Variants in APBB1 observed in about 807,000 individuals in gnomAD.
APBB1 encodes adaptor protein FE65a2.
Under a neutral mutation model 78.4 loss-of-function variants are expected in APBB1, and 22 were observed. That is an observed-to-expected ratio of 0.28 (90% CI 0.20 to 0.40). APBB1 has a LOEUF of 0.40. APBB1 is among the 10% of genes least tolerant of loss of function. APBB1 has a pLI of 1.00. For missense variants in APBB1, 749 were observed against 932.4 expected (o/e 0.80, Z 2.56); for synonymous variants, 369 against 372.7 (o/e 0.99, Z 0.12).
intron 1 of APBB1, among the ~76,000 whole-genome samples, chr11:6,417,758 A>T (rs1278943005): frequency 1.3e-5 from 2 of 152,278 alleles, no homozygotes; most frequent in Non-Finnish European, 2.9e-5. Flanking sequence ...GTGAAATGAG[A>T]TGCAGAGAGT....
In APBB1 at chr11:6,401,561, G is replaced by A. The variant is rs1419908678; in HGVS notation, c.1503+13C>T. 3.7e-6 allele frequency: 6 copies of A among 1,614,086 alleles called. No homozygotes were observed. Among genetic ancestry groups the A allele is most frequent in the South Asian group, 2.2e-5 (2 of 91,070 alleles). On this transcript the variant is annotated intron_variant, in intron 10 of 14. Transcript: ENST00000609360. The surrounding 1 kb of genome is among the most constrained non-coding windows in gnomAD (Gnocchi z 4.5). Reference sequence around the variant, plus strand: ...AAGGTGGCAACTAGTCCAGGGAGTGGAGGGGGCCGTGCCTTAGAGCAGATC... The same window carrying A: ...AAGGTGGCAACTAGTCCAGGGAGTGAAGGGGGCCGTGCCTTAGAGCAGATC...
chr11:6,403,142 A>G lies in APBB1; in HGVS notation c.1104+3T>C. The G allele has an allele frequency of 6.2e-7, 1 of 1,610,140 alleles. No homozygotes were observed. Among genetic ancestry groups the G allele is most frequent in the African/African-American group, 1.3e-5 (1 of 74,908 alleles). ...TCAGAATGGGTGTCAGTCTTGAACAAACCTTGATCCCTGGGTTGGTATTCC... is the reference window on the plus strand; with the variant it reads ...TCAGAATGGGTGTCAGTCTTGAACAGACCTTGATCCCTGGGTTGGTATTCC... On this transcript the variant is annotated splice_donor_region_variant and intron_variant, in intron 6 of 14. Coordinates refer to ENST00000609360, the MANE Select transcript of APBB1 (RefSeq NM_001164.5). The surrounding 1 kb of genome is among the most constrained non-coding windows in gnomAD (Gnocchi z 5.3).
intron 12 of APBB1, among the ~76,000 whole-genome samples, chr11:6,400,082 GT>G (rs570415967): frequency 3.9e-5 from 6 of 152,046 alleles, no homozygotes; most frequent in Non-Finnish European, 2.9e-5. Context: ...TTAATTCCTG[GT>G]TTTTTTCTAC....
chr11:6,402,228 G>A lies in APBB1; in HGVS notation c.1255-19C>T, dbSNP rs566748642. 1 of 1,611,928 alleles carries A rather than the reference G, an allele frequency of 6.2e-7. No individual in the cohort carries two copies. The highest frequency in any genetic ancestry group is 1.1e-5 in the South Asian group (1 of 91,020). ...CCTTTCCCTGCAGGACCAGAAGCAG[G>A]CACTCAGTGGGACTCCAGCCAGGAT... On this transcript the variant is annotated intron_variant, in intron 7 of 14. Transcript: ENST00000609360.
At chr11:6,419,209 G>C (rs1397089910), upstream of APBB1, 10 of 309,236 alleles carry the variant, frequency 3.2e-5, no homozygotes, top group Admixed American at 5.1e-5. Context: ...AGCTTCTTGG[G>C]GGCCTCACCC....
intron 2 of APBB1, chr11:6,405,093 C>G (rs1848743769): frequency 7.3e-7 from 1 of 1,363,850 alleles, no homozygotes; most frequent in South Asian, 1.7e-5. Context: ...TGGCTCCCCT[C>G]CCCCAATCCT....
In APBB1 at chr11:6,402,686, C is replaced by T. The variant is rs781050131; in HGVS notation, c.1144G>A (p.Glu382Lys). 7 of 1,614,172 alleles carry T rather than the reference C, an allele frequency of 4.3e-6. No individual in the cohort carries two copies. The South Asian group carries it at 7.7e-5, about 18-fold the overall frequency. The part of the protein sequence containing the change: ...VRSLGWVEMT[E>K]EELAPGRSSV... ...CTGCGTCCAGGGGCCAGCTCCTCCT[C>T]GGTCATCTCTACCCAGCCTAGGGAG... Residue 382 changes from glutamate to lysine, a missense_variant, in exon 7 of 15, where the codon GAG (glutamate) becomes AAG (lysine). By Grantham distance (56) the Glu-to-Lys change is moderately conservative. Coordinates refer to ENST00000609360, the MANE Select transcript of APBB1 (RefSeq NM_001164.5).
In APBB1 at chr11:6,396,094, C is replaced by T; in HGVS notation, c.1788+6G>A. On this transcript the variant is annotated splice_donor_region_variant and intron_variant, in intron 13 of 14. Coordinates refer to ENST00000609360, the MANE Select transcript of APBB1 (RefSeq NM_001164.5). ...CGCAGCCACGACTTCTACCCCAGCT[C>T]TTTACCTGCTGGTGCAAGATGGTGA... is the stretch of plus-strand genomic sequence containing the variant. 6.4e-7 allele frequency: 1 copy of T among 1,573,052 alleles called. No individual in the cohort carries two copies.
Position 6,409,651 on chromosome 11 carries a change from C to T in APBB1, c.721+976G>A, listed in dbSNP as rs577980572. ...ACAGTTTGGGGTATGGGTATTGTGT[C>T]CGCCACCTGGTAAGGATAGGGGTCT... On this transcript the variant is annotated intron_variant, in intron 2 of 14. Transcript: ENST00000609360. 1.2e-3 allele frequency among the ~76,000 whole-genome samples: 175 copies of T among 146,400 alleles called. 2 individuals are homozygous for T. The highest frequency in any genetic ancestry group is 4.8e-3 in the Admixed American group (72 of 15,148).
chr11:6,397,326 C>T (rs1239178914), intron 12 of APBB1, among the ~76,000 whole-genome samples: 1 of 152,250 alleles, frequency 6.6e-6, no homozygotes, highest in Admixed American at 6.5e-5. Flanking sequence ...GCTCATCTGA[C>T]TTCTAGCTGG....
Position 6,395,555 on chromosome 11 carries a change from C to T in APBB1, c.2112G>A (p.Arg704=). Residue 704 remains arginine (R), a synonymous_variant, in exon 15 of 15, where the codon CGG becomes CGA. Transcript: ENST00000609360. This position sits in a 1 kb window ranked among gnomAD's most constrained non-coding sequence, Gnocchi z 5.2. ...QSLWGSLKPK[R]LGAHTP is the part of the protein sequence containing the mutation. ...TTCTTCATGGGGTATGGGCCCCCAG[C>T]CGTTTGGGCTTCAGGGAGCCCCACA... 1 of 1,570,048 alleles carries T rather than the reference C, an allele frequency of 6.4e-7. No homozygotes were observed. The highest frequency in any genetic ancestry group is 8.6e-7 in the Non-Finnish European group (1 of 1,157,956).
intron 2 of APBB1, chr11:6,404,841 A>G (rs559221967): frequency 3.3e-6 from 5 of 1,532,338 alleles, no homozygotes; most frequent in Non-Finnish European, 4.4e-6. Context: ...CCCTCCTCAC[A>G]GCCCCTCCAG....
rs1935895125 is a variant in APBB1, at chr11:6,401,769, G to A, written c.1389-81C>T. The A allele has an allele frequency of 5.9e-6, 9 of 1,515,788 alleles. No homozygotes were observed. The highest frequency in any genetic ancestry group is 7.3e-6 in the Non-Finnish European group (8 of 1,094,248). 93.9% of individuals were successfully genotyped at this position (1,515,788 alleles called of 1,614,324 possible). A position where few individuals can be genotyped will look rare whatever the true frequency, so the allele number is the denominator to read the frequency against. On this transcript the variant is annotated intron_variant, in intron 9 of 14. Coordinates refer to ENST00000609360, the MANE Select transcript of APBB1 (RefSeq NM_001164.5). This position sits in a 1 kb window ranked among gnomAD's most constrained non-coding sequence, Gnocchi z 4.5. ...TCCCCACCCCACCCACGTCCTCCCT[G>A]CCCATCACAGCTCCTCCAGGGCTTC...
Position 6,402,117 on chromosome 11 carries a change from G to A in APBB1, c.1347C>T (p.Ser449=), listed in dbSNP as rs760805206. The A allele has an allele frequency of 5.6e-6, 9 of 1,614,042 alleles. No homozygotes were observed. Among genetic ancestry groups the A allele is most frequent in the African/African-American group, 5.3e-5 (4 of 74,922 alleles). Residue 449 remains serine, a synonymous_variant, in exon 8 of 15, where the codon AGC becomes AGT. Transcript: ENST00000609360. ...CCCGCCCGACGCCCCACACGCGGAT[G>A]CTGATGATGGGTTGGGCGTGCAGCA... ...QALLHAQPII[S]IRVWGVGRDS... is the part of the protein sequence containing the mutation.
At position 6,403,714 on chromosome 11, in the gene APBB1, G is replaced by A. The variant is rs1434503956; in HGVS notation, c.830C>T (p.Thr277Ile). ...CCGGCCGGGGGGTTCCCACTGGGTG[G>A]TCCCTGTTGGGATGTGCCAGTAATA... ...GTYYWHIPTG[T>I]TQWEPPGRAS... The change falls in exon 3 of 15, where the codon ACC becomes ATC. Residue 277 changes from threonine to isoleucine, a missense_variant. By Grantham distance (89) the Thr-to-Ile change is moderately conservative. Transcript: ENST00000609360. This position sits in a 1 kb window ranked among gnomAD's most constrained non-coding sequence, Gnocchi z 5.3. The A allele has an allele frequency of 6.2e-7, 1 of 1,610,606 alleles. No homozygotes were observed. Among genetic ancestry groups the A allele is most frequent in the Non-Finnish European group, 8.5e-7 (1 of 1,177,716 alleles).
chr11:6,398,236 T>A (rs1848330257), intron 12 of APBB1, among the ~76,000 whole-genome samples: 1 of 152,084 alleles, frequency 6.6e-6, no homozygotes. Context: ...TTTTTTTGTA[T>A]CAGTTGTTGC....
intron 1 of APBB1, among the ~76,000 whole-genome samples, chr11:6,414,123 C>A (rs1004183053): frequency 1.3e-5 from 2 of 152,088 alleles, no homozygotes; most frequent in African/African-American, 4.8e-5. Flanking sequence ...ACCTGTCAGT[C>A]CCCTCCCCAC....
chr11:6,404,748 C>A, intron 2 of APBB1: 1 of 1,536,356 alleles, frequency 6.5e-7, no homozygotes, highest in Non-Finnish European at 8.7e-7. Context: ...CCCTCACCTG[C>A]GCTGCTGTCC....
intron 2 of APBB1, among the ~76,000 whole-genome samples, chr11:6,409,941 A>G (rs1432580457): frequency 1.3e-5 from 2 of 152,118 alleles, no homozygotes; most frequent in African/African-American, 4.8e-5. Flanking sequence ...TATCCTTGCA[A>G]TGGTGCTGGA....
Sources: allele counts gnomAD v4.1 joint callset (sites outside exome capture counted in the v4.1 genomes callset), GRCh38; gene constraint gnomAD v4.1.1; non-coding constraint Gnocchi (gnomAD v3.1); transcripts MANE v1.5; gene names NCBI Gene and HGNC (gene_info 2026-07-23, HGNC 2026-07-21).